Variants in FBXL7 observed in about 807,000 individuals in gnomAD.
FBXL7 encodes the protein F-box and leucine rich repeat protein 7.
Under a neutral mutation model 38.3 loss-of-function variants are expected in FBXL7, and 12 were observed. The observed-to-expected ratio is 0.31, with a 90% confidence interval of 0.20 to 0.51. The LOEUF (loss-of-function observed/expected upper bound fraction) is 0.51. FBXL7 is among the 20% of genes least tolerant of loss of function. FBXL7 has a pLI of 0.98. For synonymous variants in FBXL7, 297 were observed against 300.9 expected (o/e 0.99, Z 0.13); for missense variants, 567 against 676.4 (o/e 0.84, Z 1.79).
intron 2 of FBXL7, among the ~76,000 whole-genome samples, chr5:15,732,339 A>G (rs1735613396): frequency 6.6e-6 from 1 of 152,216 alleles, no homozygotes; most frequent in Non-Finnish European, 1.5e-5. Flanking sequence ...ATCCACACAA[A>G]AGGAGTATGG....
intron 1 of FBXL7, chr5:15,580,605 T>G (rs1739107107): frequency 1.0e-6 from 1 of 985,352 alleles, no homozygotes; most frequent in Non-Finnish European, 1.2e-6. Flanking sequence ...GACTCCTTTC[T>G]TTTGTAACAG....
At chr5:15,647,378 C>G (rs1741565851) in intron 2 of FBXL7, among the ~76,000 whole-genome samples, 2 of 152,192 alleles carry the variant, frequency 1.3e-5, no homozygotes, top group Non-Finnish European at 2.9e-5. Flanking sequence ...CTCGCCATTC[C>G]ATGTAGCATC....
At chr5:15,751,559 G>T (rs1431330528) in intron 2 of FBXL7, among the ~76,000 whole-genome samples, 2 of 152,180 alleles carry the variant, frequency 1.3e-5, no homozygotes, top group African/African-American at 4.8e-5. Flanking sequence ...TCATTTATAA[G>T]AATAGTGAAT....
intron 3 of FBXL7, among the ~76,000 whole-genome samples, chr5:15,931,471 T>TCTGC (rs1389956218): frequency 6.6e-6 from 1 of 152,174 alleles, no homozygotes; most frequent in East Asian, 1.9e-4. Context: ...TCCATCTCTG[T>TCTGC]CTGCCTGCCT....
At chr5:15,724,896 A>T (rs1457512813) in intron 2 of FBXL7, among the ~76,000 whole-genome samples, 2 of 152,194 alleles carry the variant, frequency 1.3e-5, no homozygotes, top group Non-Finnish European at 2.9e-5. Flanking sequence ...CAGGCTCTGT[A>T]GCGATTACTG....
intron 2 of FBXL7, among the ~76,000 whole-genome samples, chr5:15,710,794 G>C (rs916792290): frequency 1.3e-5 from 2 of 152,174 alleles, no homozygotes; most frequent in African/African-American, 2.4e-5. Context: ...AAATTTATCA[G>C]ACAGCTCTGG....
chr5:15,847,621 T>G (rs1362807535), intron 2 of FBXL7, among the ~76,000 whole-genome samples: 1 of 152,140 alleles, frequency 6.6e-6, no homozygotes, highest in African/African-American at 2.4e-5. Context: ...TTGATTAGGT[T>G]TCATTATATG....
intron 2 of FBXL7, among the ~76,000 whole-genome samples, chr5:15,923,155 T>C (rs1741787537): frequency 6.6e-6 from 1 of 152,246 alleles, no homozygotes; most frequent in African/African-American, 2.4e-5. Flanking sequence ...GTGTGTGTCC[T>C]GGTACCCCTG....
intron 2 of FBXL7, among the ~76,000 whole-genome samples, chr5:15,702,648 C>G (rs143509927): frequency 6.6e-6 from 1 of 152,204 alleles, no homozygotes; most frequent in Non-Finnish European, 1.5e-5. Flanking sequence ...CAAGATTGCA[C>G]TTTATGGCTA....
intron 2 of FBXL7, among the ~76,000 whole-genome samples, chr5:15,865,752 CA>C (rs1216819596): frequency 6.6e-6 from 1 of 152,018 alleles, no homozygotes; most frequent in African/African-American, 2.4e-5. Flanking sequence ...AAACAATATA[CA>C]ATAGAACCAT....
intron 2 of FBXL7, among the ~76,000 whole-genome samples, chr5:15,664,374 T>A (rs1242050173): frequency 1.3e-5 from 2 of 151,940 alleles, no homozygotes; most frequent in Non-Finnish European, 2.9e-5. Context: ...ATGATTAAAA[T>A]AAGAAAAGTA....
chr5:15,526,440 T>C lies in FBXL7; in HGVS notation c.37+25727T>C, dbSNP rs1737252487. 2.6e-5 allele frequency among the ~76,000 whole-genome samples: 4 copies of C among 152,126 alleles called. No individual in the cohort carries two copies. In the South Asian group the frequency reaches 8.3e-4, roughly 32 times the overall value. On this transcript the variant is annotated intron_variant, in intron 1 of 3. Coordinates refer to ENST00000504595, the MANE Select transcript of FBXL7 (RefSeq NM_012304.5). ...GTGCCTGTTTGTGGGGAACAAGAAT[T>C]CCAAAGGCGTCTTTCGGTTGCCCTT...
rs182241303 is a variant in FBXL7 at position 15,684,072 on chromosome 5, A to G, written c.127+68000A>G. Among the ~76,000 whole-genome samples, 484 of 152,288 alleles carry G rather than the reference A, an allele frequency of 3.2e-3. 4 individuals carry two copies. Among genetic ancestry groups the G allele is most frequent in the Middle Eastern group, 0.031 (9 of 294 alleles). On this transcript the variant is annotated intron_variant, in intron 2 of 3. Coordinates refer to ENST00000504595, the MANE Select transcript of FBXL7 (RefSeq NM_012304.5). ...TAAATTTCAATATGGTTTAAATTCTAATTTTAACATGCTCCCATTAGTGCA... is the reference window on the plus strand; with the variant it reads ...TAAATTTCAATATGGTTTAAATTCTGATTTTAACATGCTCCCATTAGTGCA...
intron 2 of FBXL7, among the ~76,000 whole-genome samples, chr5:15,626,072 C>T (rs1018215882): frequency 1.3e-5 from 2 of 152,172 alleles, no homozygotes; most frequent in South Asian, 2.1e-4. Flanking sequence ...GGTTTGTTTT[C>T]GTCTTTAAAA....
rs1737397210 is a variant in FBXL7 at position 15,530,704 on chromosome 5, C to T, written c.37+29991C>T. Among the ~76,000 whole-genome samples the T allele has an allele frequency of 2.0e-5, 3 of 152,314 alleles. No homozygotes were observed. The South Asian group carries it at 6.2e-4, about 32-fold the overall frequency. On this transcript the variant is annotated intron_variant, in intron 1 of 3. Coordinates refer to ENST00000504595, the MANE Select transcript of FBXL7 (RefSeq NM_012304.5). ...AAGTTCAGGAGAAATGAGGTACAAG[C>T]TTCTGGGTGACCTCTTCCAGTGGAC...
Position 15,674,531 on chromosome 5 carries a change from G to A in FBXL7, c.127+58459G>A, listed in dbSNP as rs1742589091. Reference sequence around the variant, plus strand: ...TATTCAGAATGCAAACTCGCGTTATGAATTATCCTCTTCCTTTGGAGAATA... The same window carrying A: ...TATTCAGAATGCAAACTCGCGTTATAAATTATCCTCTTCCTTTGGAGAATA... On this transcript the variant is annotated intron_variant, in intron 2 of 3. Coordinates refer to ENST00000504595, the MANE Select transcript of FBXL7 (RefSeq NM_012304.5). Among the ~76,000 whole-genome samples the A allele has an allele frequency of 1.3e-5, 2 of 152,126 alleles. 1 individual carries two copies. The highest frequency in any genetic ancestry group is 4.1e-4 in the South Asian group (2 of 4,826).
Position 15,845,920 on chromosome 5 carries a change from C to G in FBXL7, c.128-81970C>G, listed in dbSNP as rs7709742. Among the ~76,000 whole-genome samples, 535 of 152,226 alleles carry G rather than the reference C, an allele frequency of 3.5e-3. 4 individuals carry two copies. The highest frequency in any genetic ancestry group is 0.012 in the African/African-American group (516 of 41,546). The stretch of plus-strand genomic sequence containing the variant: ...CCAGGAGGCGGAGCTTGCAATGAGC[C>G]GAGATTGCACCACTGCACTCCAGCC... On this transcript the variant is annotated intron_variant, in intron 2 of 3. Coordinates refer to ENST00000504595, the MANE Select transcript of FBXL7 (RefSeq NM_012304.5).
At chr5:15,634,785 G>A (rs1255162304) in intron 2 of FBXL7, among the ~76,000 whole-genome samples, 1 of 152,156 alleles carries the variant, frequency 6.6e-6, no homozygotes, top group Non-Finnish European at 1.5e-5. Flanking sequence ...GGCTGTAGAA[G>A]AGAATTCATT....
At chr5:15,894,539 A>G (rs1741034102) in intron 2 of FBXL7, among the ~76,000 whole-genome samples, 1 of 152,222 alleles carries the variant, frequency 6.6e-6, no homozygotes, top group Non-Finnish European at 1.5e-5. Context: ...ACTGATTGAT[A>G]GCAGTGACAT....
Sources: allele counts gnomAD v4.1 joint callset (sites outside exome capture counted in the v4.1 genomes callset), GRCh38; gene constraint gnomAD v4.1.1; transcripts MANE v1.5; gene names NCBI Gene and HGNC (gene_info 2026-07-23, HGNC 2026-07-21).